NEK1: variants seen among roughly 807,000 people sequenced by gnomAD.
NEK1 encodes the protein serine/threonine-protein kinase Nek1.
Under a neutral mutation model 182.1 loss-of-function variants are expected in NEK1, and 137 were observed. The ratio of observed to expected loss-of-function variants is 0.75; its 90% confidence interval spans 0.65 to 0.87. NEK1 has a LOEUF of 0.87. NEK1 is among the 40% of genes least tolerant of loss of function. NEK1 has a pLI of 0.00. For missense variants in NEK1, 1,391 were observed against 1,494.4 expected, an observed-to-expected ratio of 0.93 and a Z score of 1.14; for synonymous variants, 513 against 492.2, an observed-to-expected ratio of 1.04 and a Z score of -0.56.
chr4:169,607,280 T>C (rs1242792698), intron 2 of NEK1, among the ~76,000 whole-genome samples: 3 of 152,112 alleles, frequency 2.0e-5, no homozygotes, highest in African/African-American at 7.2e-5. Context: ...CATCAAAAAA[T>C]AATGATGCAC....
intron 18 of NEK1, chr4:169,554,002 A>T (rs1487712336): frequency 1.3e-5 from 2 of 152,238 alleles, no homozygotes; most frequent in Non-Finnish European, 2.9e-5. Context: ...CTGTTTAAAT[A>T]CTTAAAAAAT....
intron 11 of NEK1, among the ~76,000 whole-genome samples, chr4:169,578,672 G>A (rs1766105538): frequency 6.6e-6 from 1 of 151,924 alleles, no homozygotes; most frequent in South Asian, 2.1e-4. Context: ...GTTAAAATTG[G>A]GGTAATTTTT....
intron 2 of NEK1, 32 bp from the exon 3 acceptor site, chr4:169,602,710 A>G: frequency 1.3e-6 from 1 of 745,834 alleles, no homozygotes; most frequent in Middle Eastern, 2.7e-4. Flanking sequence ...TTATAACATG[A>G]GATAAAACAT....
rs772516114 is a variant in NEK1 at position 169,508,750 on chromosome 4, G to A, written c.1749+19C>T. The A allele has an allele frequency of 6.5e-6, 10 of 1,536,952 alleles. No homozygotes were observed. In the East Asian group the frequency reaches 7.0e-5, roughly 11 times the overall value. On this transcript the variant is annotated intron_variant, in intron 20 of 35. Transcript: ENST00000507142. ...AAAATGGCTATGTGATGGAGGTAGC[G>A]AACATGCGGGAAGCATACCTCTTCC... is the stretch of plus-strand genomic sequence containing the variant.
At chr4:169,590,859 A>T in intron 5 of NEK1, 50 bp from the exon 6 acceptor site, 1 of 1,207,662 alleles carries the variant, frequency 8.3e-7, no homozygotes. Flanking sequence ...CATTAAAAGA[A>T]TTCAAGAATA....
At chr4:169,442,818 G>A (rs1479564971) in intron 27 of NEK1, among the ~76,000 whole-genome samples, 1 of 152,172 alleles carries the variant, frequency 6.6e-6, no homozygotes, top group Non-Finnish European at 1.5e-5. Context: ...AGGACCGCTT[G>A]CAGCCAGGAG....
At chr4:169,558,007 T>C (rs891958351) in intron 16 of NEK1, among the ~76,000 whole-genome samples, 1 of 152,046 alleles carries the variant, frequency 6.6e-6, no homozygotes, top group African/African-American at 2.4e-5. Flanking sequence ...GAAACTTCAG[T>C]GTAACCCAAT....
intron 18 of NEK1, among the ~76,000 whole-genome samples, chr4:169,538,183 A>G (rs1197722360): frequency 3.9e-5 from 6 of 152,120 alleles, no homozygotes; most frequent in Non-Finnish European, 7.4e-5. Flanking sequence ...CTACTTATTT[A>G]AACATATACA....
Position 169,394,506 on chromosome 4 carries a change from A to C in NEK1, c.*4T>G. On this transcript the variant is annotated 3_prime_UTR_variant, in exon 36 of 36. Transcript: ENST00000507142. ...TAGTTGAGGATTAAAAAACATTTTG[A>C]GGATTATTCATCATTATCTGTAGAA... 1 of 1,411,672 alleles carries C rather than the reference A, an allele frequency of 7.1e-7. No individual in the cohort carries two copies. The highest frequency in any genetic ancestry group is 9.8e-7 in the Non-Finnish European group (1 of 1,020,532). The allele number at this position is 1,411,672 out of a possible 1,614,324, so 87.4% of individuals were successfully genotyped here.
intron 18 of NEK1, among the ~76,000 whole-genome samples, chr4:169,552,732 T>C (rs1421818262): frequency 1.3e-5 from 2 of 152,128 alleles, no homozygotes; most frequent in Admixed American, 6.5e-5. Flanking sequence ...AAAGTGATGA[T>C]AGCAAAGTTG....
chr4:169,555,514 C>G (rs1405342848), intron 18 of NEK1: 1 of 565,052 alleles, frequency 1.8e-6, no homozygotes, highest in Admixed American at 2.9e-5. Flanking sequence ...AAACAAGACA[C>G]AAAAATCAGG....
intron 19 of NEK1, among the ~76,000 whole-genome samples, chr4:169,533,059 G>T (rs1280410772): frequency 6.6e-6 from 1 of 152,174 alleles, no homozygotes; most frequent in Non-Finnish European, 1.5e-5. Flanking sequence ...AGTATAGTAG[G>T]CAGAATTCTA....
intron 19 of NEK1, among the ~76,000 whole-genome samples, chr4:169,512,155 T>C (rs755759804): frequency 2.0e-5 from 3 of 152,158 alleles, no homozygotes; most frequent in Non-Finnish European, 4.4e-5. Flanking sequence ...CGCTGGTTCT[T>C]GGTATGAAGT....
At chr4:169,537,524 C>T (rs1446074404) in intron 19 of NEK1, among the ~76,000 whole-genome samples, 2 of 152,086 alleles carry the variant, frequency 1.3e-5, no homozygotes, top group African/African-American at 2.4e-5. Flanking sequence ...GGTTGCTATA[C>T]CCATTTCTAC....
At chr4:169,405,242 G>A (rs1029512589) in intron 32 of NEK1, among the ~76,000 whole-genome samples, 3 of 152,166 alleles carry the variant, frequency 2.0e-5, no homozygotes, top group Admixed American at 1.3e-4. Flanking sequence ...ACAAAGTAGA[G>A]CCTGTTTACT....
chr4:169,543,079 T>C (rs1236495789), intron 18 of NEK1, among the ~76,000 whole-genome samples: 1 of 152,182 alleles, frequency 6.6e-6, no homozygotes, highest in Non-Finnish European at 1.5e-5. Context: ...ATGTCCTGAA[T>C]GGTTTTGGCT....
chr4:169,442,930 C>T lies in NEK1; in HGVS notation c.2588-4671G>A, dbSNP rs556629700. On this transcript the variant is annotated intron_variant, in intron 27 of 35. Coordinates refer to ENST00000507142, the MANE Select transcript of NEK1 (RefSeq NM_001199397.3). The stretch of plus-strand genomic sequence containing the variant: ...GCATGTGCCTATAGCCATAGCTAGT[C>T]TGGAAGATAAGGTGGAAGGATCTCC... Among the ~76,000 whole-genome samples the T allele has an allele frequency of 6.6e-5, 10 of 151,956 alleles. No homozygotes were observed. The South Asian group carries it at 2.1e-3, about 32-fold the overall frequency.
At chr4:169,574,789 A>G (rs1056725864) in intron 12 of NEK1, among the ~76,000 whole-genome samples, 2 of 152,142 alleles carry the variant, frequency 1.3e-5, no homozygotes, top group African/African-American at 4.8e-5. Flanking sequence ...TCCTACCTCT[A>G]GACCCAATAA....
chr4:169,458,969 T>A (rs1346093815), intron 27 of NEK1, among the ~76,000 whole-genome samples: 7 of 152,058 alleles, frequency 4.6e-5, no homozygotes, highest in Non-Finnish European at 8.8e-5. Flanking sequence ...CAAAGGAATG[T>A]TCATTGGAGC....
Sources: gnomAD v4.1 joint callset for allele counts (sites outside exome capture counted in the v4.1 genomes callset) on GRCh38, gnomAD v4.1.1 for gene constraint, MANE v1.5 for transcripts, NCBI Gene and HGNC (gene_info 2026-07-23, HGNC 2026-07-21) for gene names.